The following CXorf38 variants were observed in gnomAD, a reference collection of about 807,000 sequenced individuals.
CXorf38 encodes the protein chromosome X open reading frame 38, also known as uncharacterized protein CXorf38.
A neutral mutation model predicts 27.5 loss-of-function variants in CXorf38; 13 were observed. The observed-to-expected ratio is 0.47, with a 90% confidence interval of 0.31 to 0.75. The LOEUF is 0.75. CXorf38 is among the 30% of genes least tolerant of loss of function. The pLI, the probability that CXorf38 is intolerant of heterozygous loss-of-function variation, is 0.05. For synonymous variants in CXorf38, 100 were observed against 99.8 expected (o/e 1.00, Z -0.01); for missense variants, 240 against 253.2 (o/e 0.95, Z 0.35).
chrX:40,638,382 G>A (rs896279702), intron 3 of CXorf38, among the ~76,000 whole-genome samples: 2 of 111,817 alleles, frequency 1.8e-5, no homozygotes, highest in East Asian at 5.6e-4. Context: ...ACCAGTCCAG[G>A]TATAGCTATA....
intron 5 of CXorf38, among the ~76,000 whole-genome samples, chrX:40,634,605 C>T (rs918579075): frequency 8.9e-6 from 1 of 111,952 alleles, no homozygotes; most frequent in East Asian, 2.8e-4. Context: ...TTACAATTGA[C>T]AGCATTTTAC....
At chrX:40,646,651 T>A (rs1439097570) in intron 2 of CXorf38, among the ~76,000 whole-genome samples, 1 of 111,327 alleles carries the variant, frequency 9.0e-6, no homozygotes, top group East Asian at 2.8e-4. Flanking sequence ...GCTGATGAGC[T>A]GTTCAGCGAG....
chrX:40,639,300 A>C, intron 2 of CXorf38, 172 bp from the exon 3 acceptor site: 1 of 455,349 alleles, frequency 2.2e-6, no homozygotes, highest in African/African-American at 2.4e-5. Flanking sequence ...GTCACAGCTA[A>C]ACCTTGGCCA....
rs1927650376 is a variant in CXorf38, at chrX:40,629,005, T to TAAC, written c.*1156_*1158dup. ...GCCTTAGGCTACTCCAACCTAGTAGTAACAGTTTTTGGGGTTTTTTTTTTT... is the reference window on the plus strand; with the variant it reads ...GCCTTAGGCTACTCCAACCTAGTAGTAACAACAGTTTTTGGGGTTTTTTTTTTT... On this transcript the variant is annotated 3_prime_UTR_variant, in exon 7 of 7. Transcript: ENST00000327877. 9.4e-6 allele frequency: 1 copy of TAAC among 106,080 alleles called. No homozygotes were observed. The highest frequency in any genetic ancestry group is 3.5e-5 in the African/African-American group (1 of 28,294). 8.7% of individuals were successfully genotyped at this position (106,080 alleles called of 1,213,427 possible).
At chrX:40,637,983 A>C (rs1043365262) in intron 3 of CXorf38, among the ~76,000 whole-genome samples, 2 of 112,073 alleles carry the variant, frequency 1.8e-5, no homozygotes, top group African/African-American at 6.5e-5. Context: ...CCAGCTGGGT[A>C]TTCCACATTC....
chrX:40,639,026 G>A lies in CXorf38; in HGVS notation c.454C>T (p.Arg152Ter), dbSNP rs945134098. The change falls in exon 3 of 7, where the codon CGA becomes TGA. Residue 152 changes from arginine (R) to a stop codon, truncating the protein, a stop_gained. Transcript: ENST00000327877. LOFTEE classifies it high-confidence loss of function. ...GCTCTTACCTCTGTGACTTTCTTTCGATCAACCACGAAGTGATCGCAGGAG... is the reference window on the plus strand; with the variant it reads ...GCTCTTACCTCTGTGACTTTCTTTCAATCAACCACGAAGTGATCGCAGGAG... ...INSCDHFVVDRKKVTEVIKCR... is the reference protein window; with the variant it reads ...INSCDHFVVD 2 of 1,210,159 alleles carry A rather than the reference G, an allele frequency of 1.7e-6. No individual in the cohort carries two copies. Among genetic ancestry groups the A allele is most frequent in the South Asian group, 3.5e-5 (2 of 56,842 alleles).
chrX:40,643,441 C>T (rs1202107693), intron 2 of CXorf38, among the ~76,000 whole-genome samples: 1 of 111,876 alleles, frequency 8.9e-6, no homozygotes, highest in Non-Finnish European at 1.9e-5. Flanking sequence ...TCCCCAAAGC[C>T]CTGGCAACCA....
chrX:40,646,567 T>A (rs1220965358), intron 2 of CXorf38, among the ~76,000 whole-genome samples: 2 of 111,440 alleles, frequency 1.8e-5, no homozygotes, highest in African/African-American at 6.5e-5. Flanking sequence ...AACTGGGCAC[T>A]TAAGGTGCTA....
chrX:40,642,282 A>C (rs753225708), intron 2 of CXorf38, among the ~76,000 whole-genome samples: 1 of 111,541 alleles, frequency 9.0e-6, no homozygotes, highest in Non-Finnish European at 1.9e-5. Context: ...GAACTAAATA[A>C]AATGTGCTCC....
At chrX:40,631,887 G>A (rs1206096097) in intron 5 of CXorf38, among the ~76,000 whole-genome samples, 1 of 111,491 alleles carries the variant, frequency 9.0e-6, no homozygotes, top group Admixed American at 9.5e-5. Context: ...AGCGGGGAGG[G>A]ACAGGGAGGA....
At chrX:40,632,801 A>G (rs1221110360) in intron 5 of CXorf38, among the ~76,000 whole-genome samples, 1 of 111,882 alleles carries the variant, frequency 8.9e-6, no homozygotes, top group Non-Finnish European at 1.9e-5. Context: ...TTTTAGGTAT[A>G]CAAATTAAGG....
intron 2 of CXorf38, among the ~76,000 whole-genome samples, chrX:40,644,807 C>T (rs1259517885): frequency 9.0e-6 from 1 of 111,652 alleles, no homozygotes. Flanking sequence ...GGCGGAGGAA[C>T]GGGAGCAGGG....
chrX:40,630,932 G>T (rs1386000465), intron 5 of CXorf38, among the ~76,000 whole-genome samples, 159 bp from the exon 6 acceptor site: 1 of 111,401 alleles, frequency 9.0e-6, no homozygotes, highest in Non-Finnish European at 1.9e-5. Flanking sequence ...GTTAAAGTTT[G>T]AAAAACAAAA....
chrX:40,645,108 G>A (rs983990250), intron 2 of CXorf38, among the ~76,000 whole-genome samples: 3 of 112,029 alleles, frequency 2.7e-5, no homozygotes, highest in African/African-American at 9.8e-5. Context: ...AGAGGGTGCT[G>A]GGTATTCAGG....
rs757970616 is a variant in CXorf38, at chrX:40,627,097, A to C, written c.*3067T>G. The stretch of plus-strand genomic sequence containing the variant: ...ATTCCCTTCAGAGGTAACACAGCAA[A>C]AAAAAACTGGGGAAAAGCAAACAAC... On this transcript the variant is annotated 3_prime_UTR_variant, in exon 7 of 7. Coordinates refer to ENST00000327877, the MANE Select transcript of CXorf38 (RefSeq NM_144970.3). 3 of 109,778 alleles carry C rather than the reference A, an allele frequency of 2.7e-5. No homozygotes were observed. Among genetic ancestry groups the C allele is most frequent in the African/African-American group, 1.0e-4 (3 of 30,055 alleles). The allele number at this position is 109,778 out of a possible 1,213,427, so 9.0% of individuals were successfully genotyped here.
At position 40,627,136 on chromosome X, in the gene CXorf38, A is replaced by G. The variant is rs1055137817; in HGVS notation, c.*3028T>C. On this transcript the variant is annotated 3_prime_UTR_variant, in exon 7 of 7. Transcript: ENST00000327877. ...AAAGCAAACAACTTTCCAGACCTCT[A>G]CTATTCTAAAACACAAAGAGCATTA... The G allele has an allele frequency of 1.0e-5, 1 of 98,270 alleles. No individual in the cohort carries two copies. Among genetic ancestry groups the G allele is most frequent in the African/African-American group, 3.8e-5 (1 of 26,318 alleles). The allele number at this position is 98,270 out of a possible 1,213,427, so 8.1% of individuals were successfully genotyped here. A position where few individuals can be genotyped will look rare whatever the true frequency, so the allele number is the denominator to read the frequency against.
intron 5 of CXorf38, among the ~76,000 whole-genome samples, chrX:40,631,358 A>G (rs772920103): frequency 9.3e-6 from 1 of 107,503 alleles, no homozygotes; most frequent in South Asian, 4.2e-4. Flanking sequence ...CCCAGGCTGG[A>G]GTGCAATGGT....
chrX:40,637,277 C>G, intron 3 of CXorf38, 121 bp from the exon 4 acceptor site: 1 of 500,195 alleles, frequency 2.0e-6, no homozygotes, highest in Non-Finnish European at 3.1e-6. Context: ...CAAGAGCAGT[C>G]TTCAGATGAG....
chrX:40,630,922 G>A, intron 5 of CXorf38, 149 bp from the exon 6 acceptor site: 1 of 419,532 alleles, frequency 2.4e-6, no homozygotes, highest in Non-Finnish European at 3.7e-6. Context: ...CCACAGACAG[G>A]TTAAAGTTTG....
Sources: allele counts gnomAD v4.1 joint callset (sites outside exome capture counted in the v4.1 genomes callset), GRCh38; gene constraint gnomAD v4.1.1; transcripts MANE v1.5; gene names NCBI Gene and HGNC (gene_info 2026-07-23, HGNC 2026-07-21).